Variants in MYO3A observed in about 807,000 individuals in gnomAD.
The protein encoded by MYO3A is myosin-IIIa.
A neutral mutation model predicts 192.7 loss-of-function variants in MYO3A; 180 were observed. The observed-to-expected ratio is 0.93, with a 90% CI of 0.83 to 1.06. The LOEUF is 1.06. MYO3A is among the 50% of genes least tolerant of loss of function. The probability of loss-of-function intolerance (pLI) is 0.00; values close to 1 mark genes in which losing one functional copy is unlikely to be tolerated. For synonymous variants in MYO3A, 628 were observed against 645.3 expected (o/e 0.97, Z 0.41); for missense variants, 1,896 against 1,905.0 (o/e 1.00, Z 0.09).
At chr10:26,117,526 T>G (rs1016615578) in intron 17 of MYO3A, among the ~76,000 whole-genome samples, 1 of 152,132 alleles carries the variant, frequency 6.6e-6, no homozygotes, top group South Asian at 2.1e-4. Flanking sequence ...CCAGTGTGTG[T>G]TGTTCTCCTC....
intron 4 of MYO3A, among the ~76,000 whole-genome samples, chr10:25,965,094 A>T (rs1278926087): frequency 6.6e-6 from 1 of 152,122 alleles, no homozygotes; most frequent in Non-Finnish European, 1.5e-5. Flanking sequence ...CTTTGGGTTA[A>T]ATCTGCTTGG....
At chr10:26,102,345 C>CGGAGAAGT (rs1210969058) in intron 17 of MYO3A, among the ~76,000 whole-genome samples, 1 of 152,162 alleles carries the variant, frequency 6.6e-6, no homozygotes, top group Non-Finnish European at 1.5e-5. Context: ...CAAACATCCT[C>CGGAGAAGT]CTTTAGCTCG....
chr10:26,066,292 CA>C (rs1286142167), intron 10 of MYO3A, among the ~76,000 whole-genome samples: 1 of 152,034 alleles, frequency 6.6e-6, no homozygotes, highest in Non-Finnish European at 1.5e-5. Context: ...TACCAAGGGG[CA>C]AATCCAGATA....
rs1293709095 is a variant in MYO3A at position 26,170,324 on chromosome 10, C to T, written c.3275-92C>T. The T allele has an allele frequency of 3.6e-6, 5 of 1,381,266 alleles. No individual in the cohort carries two copies. The Admixed American group carries it at 1.0e-4, about 28-fold the overall frequency. The allele number at this position is 1,381,266 out of a possible 1,614,324, so 85.6% of individuals were successfully genotyped here. ...ATTTTAATTTTATTTTCCTCTTTGACATCAATGGTCAAAGCCACCATTTCT... is the reference window on the plus strand; with the variant it reads ...ATTTTAATTTTATTTTCCTCTTTGATATCAATGGTCAAAGCCACCATTTCT... On this transcript the variant is annotated intron_variant, in intron 28 of 34. Transcript: ENST00000642920.
At chr10:26,107,956 G>GAAT in intron 17 of MYO3A, among the ~76,000 whole-genome samples, 1 of 151,674 alleles carries the variant, frequency 6.6e-6, no homozygotes, top group Non-Finnish European at 1.5e-5. Flanking sequence ...TTTTTTAAGA[G>GAAT]AATACTTGGT....
chr10:26,146,000 T>C (rs1346669706), intron 22 of MYO3A, among the ~76,000 whole-genome samples: 2 of 152,320 alleles, frequency 1.3e-5, no homozygotes, highest in East Asian at 3.9e-4. Context: ...TAGATGATTC[T>C]CTCTCTACTG....
intron 10 of MYO3A, among the ~76,000 whole-genome samples, chr10:26,052,010 G>T (rs1232580912): frequency 6.6e-6 from 1 of 152,142 alleles, no homozygotes; most frequent in African/African-American, 2.4e-5. Context: ...GATTTTAAAT[G>T]TGCAATAACA....
intron 6 of MYO3A, among the ~76,000 whole-genome samples, chr10:26,006,313 T>C (rs1841202950): frequency 6.6e-6 from 1 of 151,736 alleles, no homozygotes; most frequent in Non-Finnish European, 1.5e-5. Context: ...ACATCACAAT[T>C]AAAAGAACTA....
chr10:26,107,347 G>C (rs1837876006), intron 17 of MYO3A, among the ~76,000 whole-genome samples: 1 of 151,970 alleles, frequency 6.6e-6, no homozygotes, highest in African/African-American at 2.4e-5. Flanking sequence ...CAGGCGTGGT[G>C]GCAGGCGCCT....
intron 14 of MYO3A, among the ~76,000 whole-genome samples, chr10:26,079,363 C>A (rs1835782033): frequency 2.0e-5 from 3 of 152,024 alleles, no homozygotes; most frequent in African/African-American, 7.2e-5. Context: ...CTTTTTCCAC[C>A]CCTTTACTTT....
intron 6 of MYO3A, among the ~76,000 whole-genome samples, chr10:26,008,995 T>C (rs569788974): frequency 1.7e-3 from 265 of 151,936 alleles, no homozygotes; most frequent in African/African-American, 6.3e-3. Flanking sequence ...CCAACAATGA[T>C]AGACTGGATT....
At chr10:26,143,234 G>A (rs935637590) in intron 20 of MYO3A, among the ~76,000 whole-genome samples, 5 of 152,152 alleles carry the variant, frequency 3.3e-5, no homozygotes, top group Non-Finnish European at 7.4e-5. Flanking sequence ...GGGAAGCTGA[G>A]GCAGGAGAAT....
Position 26,073,550 on chromosome 10 carries a change from G to A in MYO3A, c.1359+3149G>A, listed in dbSNP as rs1468318160. 3.0e-4 allele frequency among the ~76,000 whole-genome samples: 13 copies of A among 43,496 alleles called. 1 individual carries two copies. Among genetic ancestry groups the A allele is most frequent in the South Asian group, 7.7e-4 (1 of 1,296 alleles). 28.5% of individuals were successfully genotyped at this position (43,496 alleles called of 152,430 possible). A position where few individuals can be genotyped will look rare whatever the true frequency, so the allele number is the denominator to read the frequency against. On this transcript the variant is annotated intron_variant, in intron 14 of 34. Coordinates refer to ENST00000642920, the MANE Select transcript of MYO3A (RefSeq NM_017433.5). ...AGAGCTTGCAGTGAGCCGAGATTGC[G>A]CCACTGCACTCCAGCCTGGGCAACA... is the stretch of plus-strand genomic sequence containing the variant.
chr10:26,071,704 A>C (rs899636694), intron 14 of MYO3A, among the ~76,000 whole-genome samples: 8 of 152,194 alleles, frequency 5.3e-5, no homozygotes, highest in Admixed American at 2.0e-4. Flanking sequence ...AAACAAACAT[A>C]ATGTTTGAAC....
chr10:26,086,044 G>C (rs1276281666), intron 14 of MYO3A, among the ~76,000 whole-genome samples: 1 of 152,086 alleles, frequency 6.6e-6, no homozygotes, highest in Non-Finnish European at 1.5e-5. Flanking sequence ...GGTAGGGGGA[G>C]GCTTGAAGGT....
intron 15 of MYO3A, among the ~76,000 whole-genome samples, chr10:26,091,249 C>T (rs1836682940): frequency 2.0e-5 from 3 of 152,072 alleles, no homozygotes; most frequent in African/African-American, 4.8e-5. Context: ...TTCTTTTCTT[C>T]GGTTTTTGCC....
chr10:26,070,308 C>G lies in MYO3A; in HGVS notation c.1276-10C>G. 4 of 1,612,464 alleles carry G rather than the reference C, an allele frequency of 2.5e-6. No individual in the cohort carries two copies. Among genetic ancestry groups the G allele is most frequent in the Non-Finnish European group, 2.5e-6 (3 of 1,178,824 alleles). On this transcript the variant is annotated splice_polypyrimidine_tract_variant and intron_variant, in intron 13 of 34. Coordinates refer to ENST00000642920, the MANE Select transcript of MYO3A (RefSeq NM_017433.5). Reference sequence around the variant, plus strand: ...TAAGGTCTTCTCACAGTTTTCTTTTCTATGTATAGTGCATTGTTATTTCTG... The same window carrying G: ...TAAGGTCTTCTCACAGTTTTCTTTTGTATGTATAGTGCATTGTTATTTCTG...
intron 4 of MYO3A, among the ~76,000 whole-genome samples, chr10:25,986,703 A>G (rs1170639556): frequency 6.6e-6 from 1 of 152,366 alleles, no homozygotes; most frequent in South Asian, 2.1e-4. Context: ...GTGCTGAAAG[A>G]AATCACAGAT....
intron 4 of MYO3A, among the ~76,000 whole-genome samples, chr10:25,960,797 G>A (rs1837883362): frequency 6.6e-6 from 1 of 152,012 alleles, no homozygotes; most frequent in Non-Finnish European, 1.5e-5. Flanking sequence ...TCTCAGGGTT[G>A]GCACAGGTGG....
Sources: gnomAD v4.1 joint callset for allele counts (sites outside exome capture counted in the v4.1 genomes callset) on GRCh38, gnomAD v4.1.1 for gene constraint, MANE v1.5 for transcripts, NCBI Gene and HGNC (gene_info 2026-07-23, HGNC 2026-07-21) for gene names.